The following PCLO variants were observed in gnomAD, a reference collection of about 807,000 sequenced individuals.
PCLO encodes protein piccolo.
A neutral mutation model predicts 427.5 loss-of-function variants in PCLO; 82 were observed. That is an observed-to-expected ratio of 0.19 (90% CI 0.16 to 0.23). The LOEUF is 0.23. Ranked by LOEUF, PCLO falls within the 10% of genes least tolerant of loss-of-function variation. PCLO has a pLI of 1.00. For synonymous variants in PCLO, 2,357 were observed against 2,155.4 expected (o/e 1.09, Z -2.59); for missense variants, 6,239 against 6,115.9 (o/e 1.02, Z -0.67).
At chr7:83,004,366 A>G (rs1276120279) in intron 3 of PCLO, among the ~76,000 whole-genome samples, 1 of 151,804 alleles carries the variant, frequency 6.6e-6, no homozygotes, top group Non-Finnish European at 1.5e-5. Flanking sequence ...TTTACAGTCA[A>G]CTAATCTTCA....
At position 83,134,293 on chromosome 7, in the gene PCLO, A is replaced by T; in HGVS notation, c.3257T>A (p.Val1086Glu). 1 of 1,579,212 alleles carries T rather than the reference A, an allele frequency of 6.3e-7. No homozygotes were observed. The highest frequency in any genetic ancestry group is 8.6e-7 in the Non-Finnish European group (1 of 1,161,770). Residue 1086 changes from valine (V) to glutamate (E), a missense_variant, in exon 3 of 25, where the codon GTG (valine) becomes GAG (glutamate). This residue lies in a region of PCLO where 4,677 missense variants were observed against 4,468.4 expected (regional missense o/e 1.05). Transcript: ENST00000333891. ...AGGGTTAAATCCACAGAGATTACAC[A>T]CTTGATTCTTGCATTCAGTGCAAGT... ...FNTCTECKNQ[V>E]CNLCGFNPTP...
At chr7:82,880,710 C>T (rs1793485939) in intron 9 of PCLO, among the ~76,000 whole-genome samples, 1 of 152,086 alleles carries the variant, frequency 6.6e-6, no homozygotes, top group Admixed American at 6.6e-5. Flanking sequence ...CTAGGATTTT[C>T]CAGGCCAAAA....
Position 82,955,673 on chromosome 7 carries a change from G to A in PCLO, c.5280C>T (p.His1760=). 6.2e-7 allele frequency: 1 copy of A among 1,613,940 alleles called. No homozygotes were observed. Among genetic ancestry groups the A allele is most frequent in the South Asian group, 1.1e-5 (1 of 91,090 alleles). Residue 1760 remains histidine, a synonymous_variant, in exon 5 of 25, where the codon CAC becomes CAT. Transcript: ENST00000333891. ...GESKQQRKAR[H]RPHGPLLPTI... is the part of the protein sequence containing the mutation. Reference sequence around the variant, plus strand: ...TAGGCAAAAGAGGGCCATGTGGTCTGTGCCGAGCTTTGCGTTGCTGTTTGC... The same window carrying A: ...TAGGCAAAAGAGGGCCATGTGGTCTATGCCGAGCTTTGCGTTGCTGTTTGC...
chr7:83,080,464 A>AT (rs1047819022), intron 3 of PCLO, among the ~76,000 whole-genome samples: 1 of 152,014 alleles, frequency 6.6e-6, no homozygotes, highest in East Asian at 1.9e-4. Flanking sequence ...TTAAGAGAGG[A>AT]TTTTTTTATA....
chr7:82,758,784 T>C (rs2129467460), intron 24 of PCLO, 69 bp from the exon 25 acceptor site: 1 of 922,772 alleles, frequency 1.1e-6, no homozygotes, highest in African/African-American at 1.7e-5. Context: ...TTTTCAACCT[T>C]TTTTAAGGAC....
At chr7:82,800,968 G>T (rs938188767) in intron 22 of PCLO, among the ~76,000 whole-genome samples, 1 of 151,634 alleles carries the variant, frequency 6.6e-6, no homozygotes, top group Non-Finnish European at 1.5e-5. Flanking sequence ...TATGTTTGCT[G>T]ACGTCAAGGA....
intron 3 of PCLO, among the ~76,000 whole-genome samples, chr7:83,106,316 T>C (rs1037320447): frequency 1.3e-5 from 2 of 152,152 alleles, no homozygotes; most frequent in African/African-American, 4.8e-5. Context: ...AAAGTTACCC[T>C]ATGGAGCATT....
rs1011901071 is a variant in PCLO, at chr7:83,058,891, C to T, written c.3300+75359G>A. Among the ~76,000 whole-genome samples the T allele has an allele frequency of 1.7e-4, 26 of 152,042 alleles. 1 individual carries two copies. The highest frequency in any genetic ancestry group is 6.0e-4 in the African/African-American group (25 of 41,378). On this transcript the variant is annotated intron_variant, in intron 3 of 24. Coordinates refer to ENST00000333891, the MANE Select transcript of PCLO (RefSeq NM_033026.6). Reference sequence around the variant, plus strand: ...CAGCATTTATAAAAGCATTATTCAACATAAGCAATGACAATATTCATTTGA... The same window carrying T: ...CAGCATTTATAAAAGCATTATTCAATATAAGCAATGACAATATTCATTTGA...
Position 82,956,139 on chromosome 7 carries a change from G to T in PCLO, c.4814C>A (p.Ala1605Glu), listed in dbSNP as rs763573179. ...EETKGKGKIT[A>E]GKHRRLTRKS... Reference sequence around the variant, plus strand: ...TCGAGTCAGTCGTCTGTGTTTCCCTGCTGTTATTTTGCCTTTTCCCTTTGT... The same window carrying T: ...TCGAGTCAGTCGTCTGTGTTTCCCTTCTGTTATTTTGCCTTTTCCCTTTGT... Residue 1605 changes from alanine to glutamate, a missense_variant, in exon 5 of 25, where the codon GCA becomes GAA. This residue lies in a region of PCLO where 4,677 missense variants were observed against 4,468.4 expected (regional missense o/e 1.05). Transcript: ENST00000333891. 6 of 1,608,498 alleles carry T rather than the reference G, an allele frequency of 3.7e-6. No homozygotes were observed. The highest frequency in any genetic ancestry group is 5.1e-6 in the Non-Finnish European group (6 of 1,179,838).
rs748868853 is a variant in PCLO at position 82,955,799 on chromosome 7, C to T, written c.5154G>A (p.Ser1718=). Residue 1718 remains serine, a synonymous_variant, in exon 5 of 25, where the codon TCG becomes TCA. Coordinates refer to ENST00000333891, the MANE Select transcript of PCLO (RefSeq NM_033026.6). The part of the protein sequence containing the change: ...PEDRSRGEGS[S]SLHASSFTPG... ...GAGTGAAGCTGGAAGCATGCAGACT[C>T]GAAGATCCCTCTCCCCTTGACCTAT... 50 of 1,613,802 alleles carry T rather than the reference C, an allele frequency of 3.1e-5. No homozygotes were observed. Among genetic ancestry groups the T allele is most frequent in the Admixed American group, 1.2e-4 (7 of 59,988 alleles).
At chr7:83,067,664 T>C (rs1317364464) in intron 3 of PCLO, among the ~76,000 whole-genome samples, 1 of 152,170 alleles carries the variant, frequency 6.6e-6, no homozygotes, top group Non-Finnish European at 1.5e-5. Flanking sequence ...AGCCACCAAC[T>C]TGGTTTGGGT....
intron 2 of PCLO, among the ~76,000 whole-genome samples, chr7:83,148,323 T>C (rs1792045190): frequency 6.6e-6 from 1 of 152,136 alleles, no homozygotes; most frequent in Non-Finnish European, 1.5e-5. Context: ...TCTTGGAACA[T>C]ACTACAACCC....
intron 3 of PCLO, among the ~76,000 whole-genome samples, chr7:83,078,134 A>G (rs1235691540): frequency 6.6e-6 from 1 of 152,182 alleles, no homozygotes; most frequent in Non-Finnish European, 1.5e-5. Flanking sequence ...AAATCATTAA[A>G]TTCTCAAATA....
At chr7:82,965,491 A>G (rs1185726421) in intron 4 of PCLO, among the ~76,000 whole-genome samples, 1 of 152,054 alleles carries the variant, frequency 6.6e-6, no homozygotes, top group Non-Finnish European at 1.5e-5. Context: ...ATAAAACTAG[A>G]TAACTTCTTT....
chr7:83,137,735 G>A (rs867494157), intron 2 of PCLO, among the ~76,000 whole-genome samples: 4 of 152,020 alleles, frequency 2.6e-5, no homozygotes, highest in Admixed American at 1.3e-4. Context: ...GCCCGGCCAT[G>A]GATATTCATT....
intron 3 of PCLO, among the ~76,000 whole-genome samples, chr7:83,051,074 A>G (rs1392680080): frequency 1.3e-5 from 2 of 152,154 alleles, no homozygotes; most frequent in Non-Finnish European, 2.9e-5. Flanking sequence ...CAACTTGATA[A>G]AGAACTTCTA....
intron 5 of PCLO, 91 bp downstream of exon 5, chr7:82,951,765 C>A: frequency 6.7e-7 from 1 of 1,487,814 alleles, no homozygotes; most frequent in Non-Finnish European, 8.9e-7. Context: ...AGTAACAAAA[C>A]TGGAAAAGAA....
Position 82,953,999 on chromosome 7 carries a change from T to A in PCLO, c.6954A>T (p.Glu2318Asp), listed in dbSNP as rs765287828. The change falls in exon 5 of 25, where the codon GAA becomes GAT. Residue 2318 changes from glutamate to aspartate, a missense_variant. Physicochemically the swap from Glu to Asp is conservative, Grantham distance 45. Transcript: ENST00000333891. Reference sequence around the variant, plus strand: ...CCAACTCCTTTTTATCTCTGTAAGCTTCCAAAACTTCCAGAATGATTCCAT... The same window carrying A: ...CCAACTCCTTTTTATCTCTGTAAGCATCCAAAACTTCCAGAATGATTCCAT... Reference protein sequence around the residue: ...TGNGIILEVLEAYRDKKELEA... With the variant: ...TGNGIILEVLDAYRDKKELEA... The A allele has an allele frequency of 6.2e-7, 1 of 1,613,962 alleles. No homozygotes were observed. Among genetic ancestry groups the A allele is most frequent in the Non-Finnish European group, 8.5e-7 (1 of 1,179,870 alleles).
chr7:83,067,068 T>C (rs1398975307), intron 3 of PCLO, among the ~76,000 whole-genome samples: 1 of 152,234 alleles, frequency 6.6e-6, no homozygotes, highest in Non-Finnish European at 1.5e-5. Context: ...CTTCATGCTA[T>C]CTGTATAAGG....
Sources: gnomAD v4.1 joint callset for allele counts (sites outside exome capture counted in the v4.1 genomes callset) on GRCh38, gnomAD v4.1.1 for gene constraint, gnomAD v4.1.1 regional missense constraint, MANE v1.5 for transcripts, NCBI Gene and HGNC (gene_info 2026-07-23, HGNC 2026-07-21) for gene names.